Variants in INTS3 observed in about 807,000 individuals in gnomAD.
INTS3 encodes the protein integrator complex subunit 3, also known as SOSS complex subunit A.
In INTS3, 34 loss-of-function variants were observed where a neutral mutation model predicts 146.3. That is an observed-to-expected ratio of 0.23 (90% confidence interval 0.18 to 0.31). The LOEUF (loss-of-function observed/expected upper bound fraction) is 0.31, where lower values mean the gene tolerates loss of function less well. INTS3 is among the 10% of genes least tolerant of loss of function. The pLI is 1.00. For synonymous variants in INTS3, 475 were observed against 494.9 expected (o/e 0.96, Z 0.53); for missense variants, 757 against 1,304.2 (o/e 0.58, Z 6.46).
chr1:153,753,987 G>T (rs1490546432), intron 8 of INTS3, among the ~76,000 whole-genome samples: 3 of 139,998 alleles, frequency 2.1e-5, no homozygotes, highest in African/African-American at 5.3e-5. Context: ...TGTTTTTTAA[G>T]ATGGGGTGTC....
Position 153,761,571 on chromosome 1 carries a change from C to T in INTS3, c.1411C>T (p.His471Tyr), listed in dbSNP as rs750082243. The T allele has an allele frequency of 5.6e-6, 9 of 1,608,714 alleles. 1 individual carries two copies. Among genetic ancestry groups the T allele is most frequent in the South Asian group, 3.3e-5 (3 of 90,886 alleles). ...ACCTTCATCATGTTCCCCATTTAGACACCTAGCTCCCCTGTTTGACAACCC... is the reference window on the plus strand; with the variant it reads ...ACCTTCATCATGTTCCCCATTTAGATACCTAGCTCCCCTGTTTGACAACCC... ...NHIVEKRVLA[H>Y]LAPLFDNPKL... The change falls in exon 14 of 30, where the codon CAC becomes TAC. Residue 471 changes from histidine (H) to tyrosine (Y), a missense_variant and splice_region_variant. His to Tyr is a moderately conservative substitution (Grantham distance 83). This residue lies in a region of INTS3 where 97 missense variants were observed against 113.6 expected (regional missense o/e 0.85). Transcript: ENST00000318967.
chr1:153,764,801 C>T lies in INTS3; in HGVS notation c.1970+67C>T, dbSNP rs939690580. ...CTCCCTGACAGCACACACATGTGCT[C>T]CTGTCCTGGGGTAATGGGACTCGCT... is the stretch of plus-strand genomic sequence containing the variant. On this transcript the variant is annotated intron_variant, in intron 19 of 29. Coordinates refer to ENST00000318967, the MANE Select transcript of INTS3 (RefSeq NM_023015.5). 5 of 1,497,408 alleles carry T rather than the reference C, an allele frequency of 3.3e-6. No individual in the cohort carries two copies. The African/African-American group carries it at 4.1e-5, about 12-fold the overall frequency. The allele number at this position is 1,497,408 out of a possible 1,614,324, so 92.8% of individuals were successfully genotyped here.
chr1:153,761,504 C>G (rs2101817857), intron 13 of INTS3, 66 bp from the exon 14 acceptor site: 3 of 1,178,988 alleles, frequency 2.5e-6, no homozygotes, highest in Non-Finnish European at 3.8e-6. Flanking sequence ...GAGTGACACT[C>G]TGTCTCAAAA....
chr1:153,728,363 G>A lies in INTS3; in HGVS notation c.-272G>A, dbSNP rs1557982501. 4.7e-6 allele frequency: 2 copies of A among 429,558 alleles called. No homozygotes were observed. The highest frequency in any genetic ancestry group is 8.2e-6 in the Non-Finnish European group (2 of 244,238). The allele number at this position is 429,558 out of a possible 1,614,324, so 26.6% of individuals were successfully genotyped here. On this transcript the variant is annotated 5_prime_UTR_variant, in exon 1 of 30. Coordinates refer to ENST00000318967, the MANE Select transcript of INTS3 (RefSeq NM_023015.5). ...GAAGCCTCTCCTACCCTTCCCATAGGGACACAGGCCTTTACCCCACTGTAC... is the reference window on the plus strand; with the variant it reads ...GAAGCCTCTCCTACCCTTCCCATAGAGACACAGGCCTTTACCCCACTGTAC...
intron 25 of INTS3, among the ~76,000 whole-genome samples, chr1:153,771,525 TA>T (rs1164026480): frequency 6.6e-6 from 1 of 152,108 alleles, no homozygotes; most frequent in Non-Finnish European, 1.5e-5. Context: ...CTGACTGTTC[TA>T]GGGGAGGAGG....
intron 1 of INTS3, among the ~76,000 whole-genome samples, chr1:153,733,905 T>C (rs1053211286): frequency 1.3e-5 from 2 of 152,150 alleles, no homozygotes; most frequent in African/African-American, 4.8e-5. Flanking sequence ...ACCCAGCCAC[T>C]GTATGCTTTT....
intron 6 of INTS3, 38 bp downstream of exon 6, chr1:153,748,793 A>G (rs753527025): frequency 1.3e-6 from 2 of 1,493,552 alleles, no homozygotes; most frequent in Non-Finnish European, 1.9e-6. Context: ...CAGGCCAGAT[A>G]ATGGCCATTA....
intron 5 of INTS3, chr1:153,748,376 A>T: frequency 2.7e-6 from 1 of 374,754 alleles, no homozygotes; most frequent in Non-Finnish European, 5.1e-6. Context: ...TTTCTTTCCA[A>T]CTGTGGGCTT....
intron 20 of INTS3, among the ~76,000 whole-genome samples, chr1:153,766,040 T>C (rs1045051280): frequency 3.9e-5 from 6 of 151,968 alleles, no homozygotes; most frequent in African/African-American, 7.2e-5. Context: ...TCTGCCTCTA[T>C]AGATTATTTT....
At chr1:153,769,867 G>T in intron 23 of INTS3, 23 bp downstream of exon 23, 1 of 1,519,460 alleles carries the variant, frequency 6.6e-7, no homozygotes, top group South Asian at 1.1e-5. Context: ...ATCTTTAGGT[G>T]CCTGGGAGAG....
intron 1 of INTS3, among the ~76,000 whole-genome samples, chr1:153,736,192 T>C (rs1465902900): frequency 6.6e-6 from 1 of 152,234 alleles, no homozygotes; most frequent in Non-Finnish European, 1.5e-5. Context: ...TCACAGCTCC[T>C]TTTCACAAGT....
chr1:153,728,524 C>T lies in INTS3; in HGVS notation c.-111C>T, dbSNP rs1001861883. 3 of 1,369,338 alleles carry T rather than the reference C, an allele frequency of 2.2e-6. No homozygotes were observed. The highest frequency in any genetic ancestry group is 2.0e-6 in the Non-Finnish European group (2 of 1,015,850). The allele number at this position is 1,369,338 out of a possible 1,614,324, so 84.8% of individuals were successfully genotyped here. On this transcript the variant is annotated 5_prime_UTR_variant, in exon 1 of 30. Transcript: ENST00000318967. ...AGAGGACAGGGGCCCTTGCTCTCCC[C>T]TCCCCAACTTGTTCCTCTTGCCCCC...
rs866688298 is a variant in INTS3, at chr1:153,768,798, G to C, written c.2245-95G>C. 3.1e-6 allele frequency: 3 copies of C among 968,090 alleles called. No homozygotes were observed. In the Middle Eastern group the frequency reaches 8.6e-4, roughly 279 times the overall value. 60.0% of individuals were successfully genotyped at this position (968,090 alleles called of 1,614,324 possible). On this transcript the variant is annotated intron_variant, in intron 21 of 29. Coordinates refer to ENST00000318967, the MANE Select transcript of INTS3 (RefSeq NM_023015.5). ...TTAGGGCCTGTGTCTGGCTGACCCA[G>C]TCAAACCTTGAGATGTAATAAGGAA...
chr1:153,752,245 C>G (rs781635671), intron 7 of INTS3, 34 bp from the exon 8 acceptor site: 1 of 1,608,146 alleles, frequency 6.2e-7, no homozygotes, highest in Non-Finnish European at 8.5e-7. Flanking sequence ...TTTTTATTCT[C>G]TTTCCTGTCC....
At chr1:153,744,162 A>G (rs1056432401) in intron 3 of INTS3, among the ~76,000 whole-genome samples, 1 of 150,238 alleles carries the variant, frequency 6.7e-6, no homozygotes, top group Non-Finnish European at 1.5e-5. Context: ...GGTGTATGAA[A>G]CTCTCGGTTC....
intron 13 of INTS3, 182 bp downstream of exon 13, chr1:153,761,100 T>C: frequency 7.0e-7 from 1 of 1,433,496 alleles, no homozygotes; most frequent in Non-Finnish European, 9.1e-7. Flanking sequence ...CCTGCCATCG[T>C]ATTACAAAGG....
Position 153,772,930 on chromosome 1 carries a change from GT to G in INTS3, c.2901del (p.Ser967ArgfsTer102). On this transcript the variant is annotated frameshift_variant, in exon 29 of 30. Coordinates refer to ENST00000318967, the MANE Select transcript of INTS3 (RefSeq NM_023015.5). LOFTEE classifies it high-confidence loss of function. This position sits in a 1 kb window ranked among gnomAD's most constrained non-coding sequence, Gnocchi z 4.6. ...SCDEAHKMKF[S>X]DLFSLAEEYE... Reference sequence around the variant, plus strand: ...CTACCGCTCCTTTTCCTTAGATTCAGTGATCTCTTCTCCCTGGCGGAGGAAT... The same window carrying G: ...CTACCGCTCCTTTTCCTTAGATTCAGGATCTCTTCTCCCTGGCGGAGGAAT... 6.2e-7 allele frequency: 1 copy of G among 1,614,130 alleles called. No individual in the cohort carries two copies. The highest frequency in any genetic ancestry group is 8.5e-7 in the Non-Finnish European group (1 of 1,180,030).
In INTS3 at chr1:153,762,594, C is replaced by G. The variant is rs76943691; in HGVS notation, c.1517-134C>G. ...GAGGTTTGTCAAGAGGTTTGTCCTC[C>G]CAGGGTCAGTATTCCATTTAGATGA... On this transcript the variant is annotated intron_variant, in intron 14 of 29. Coordinates refer to ENST00000318967, the MANE Select transcript of INTS3 (RefSeq NM_023015.5). The G allele has an allele frequency of 1.0e-5, 11 of 1,087,090 alleles. No individual in the cohort carries two copies. In the East Asian group the frequency reaches 2.8e-4, roughly 27 times the overall value. The allele number at this position is 1,087,090 out of a possible 1,614,324, so 67.3% of individuals were successfully genotyped here.
intron 12 of INTS3, 122 bp downstream of exon 12, chr1:153,760,512 G>C (rs775295043): frequency 1.3e-6 from 1 of 771,076 alleles, no homozygotes; most frequent in Non-Finnish European, 2.2e-6. Flanking sequence ...AATGGTCATG[G>C]GTCCTATCCC....
Sources: allele counts gnomAD v4.1 joint callset (sites outside exome capture counted in the v4.1 genomes callset), GRCh38; gene constraint gnomAD v4.1.1; regional missense constraint gnomAD v4.1.1; non-coding constraint Gnocchi (gnomAD v3.1); transcripts MANE v1.5; gene names NCBI Gene and HGNC (gene_info 2026-07-23, HGNC 2026-07-21).